The following ASTE1 variants were observed in gnomAD, a reference collection of about 807,000 sequenced individuals.
The protein encoded by ASTE1 is asteroid structure-specific endonuclease 1.
Under a neutral mutation model 45.8 loss-of-function variants are expected in ASTE1, and 49 were observed. The ratio of observed to expected loss-of-function variants is 1.07; its 90% confidence interval spans 0.85 to 1.36. ASTE1 has a LOEUF of 1.36. Ranked by LOEUF, ASTE1 falls within the 40% of genes most tolerant of loss-of-function variation. ASTE1 has a pLI of 0.00. For missense variants in ASTE1, 709 were observed against 804.0 expected, an observed-to-expected ratio of 0.88 and a Z score of 1.43; for synonymous variants, 296 against 303.9, an observed-to-expected ratio of 0.97 and a Z score of 0.27.
intron 4 of ASTE1, among the ~76,000 whole-genome samples, chr3:131,017,296 A>G (rs2063663975): frequency 6.6e-6 from 1 of 152,254 alleles, no homozygotes; most frequent in South Asian, 2.1e-4. Flanking sequence ...AGAAACAGGA[A>G]TCCATGCTGT....
intron 1 of ASTE1, chr3:131,026,271 T>C (rs990337930): frequency 1.1e-4 from 17 of 152,358 alleles, no homozygotes; most frequent in African/African-American, 3.8e-4. Flanking sequence ...TCTCAGAACC[T>C]TATCCTGTAT....
intron 3 of ASTE1, among the ~76,000 whole-genome samples, chr3:131,021,489 A>C (rs2063741612): frequency 6.6e-6 from 1 of 152,254 alleles, no homozygotes; most frequent in South Asian, 2.1e-4. Flanking sequence ...AATTCAGTTA[A>C]AACTATTGTG....
At chr3:131,018,394 T>C in intron 4 of ASTE1, 112 bp downstream of exon 4, 1 of 1,063,772 alleles carries the variant, frequency 9.4e-7, no homozygotes. Context: ...TAAGTTGTGA[T>C]ACAATTAATG....
rs1437928209 is a variant in ASTE1, at chr3:131,013,879, TAAATC to T, written c.*173_*177del. On this transcript the variant is annotated 3_prime_UTR_variant, in exon 6 of 6. Transcript: ENST00000264992. ...CATATTTAGAAATACAGAAGCTTCT[TAAATC>T]AGGTTGTATTTATTAAAAACAAAAT... 2 of 526,264 alleles carry T rather than the reference TAAATC, an allele frequency of 3.8e-6. No homozygotes were observed. The highest frequency in any genetic ancestry group is 7.5e-5 in the Admixed American group (2 of 26,770). 32.6% of individuals were successfully genotyped at this position (526,264 alleles called of 1,614,324 possible).
chr3:131,023,929 GAACT>G, intron 3 of ASTE1, 72 bp downstream of exon 3: 3 of 1,407,094 alleles, frequency 2.1e-6, no homozygotes, highest in Non-Finnish European at 2.9e-6. Flanking sequence ...TATAGTAAGT[GAACT>G]AATATAGAAG....
intron 3 of ASTE1, 76 bp downstream of exon 3, chr3:131,023,929 G>A (rs947869188): frequency 5.7e-6 from 8 of 1,407,094 alleles, no homozygotes; most frequent in Non-Finnish European, 7.6e-6. Flanking sequence ...TATAGTAAGT[G>A]AACTAATATA....
intron 3 of ASTE1, among the ~76,000 whole-genome samples, chr3:131,023,500 CATA>C (rs1381477695): frequency 2.0e-5 from 3 of 151,948 alleles, no homozygotes; most frequent in African/African-American, 7.3e-5. Flanking sequence ...GGCAAATAAC[CATA>C]ATGACACAAA....
At chr3:131,022,487 ATT>A (rs773197171) in intron 3 of ASTE1, among the ~76,000 whole-genome samples, 9 of 140,976 alleles carry the variant, frequency 6.4e-5, no homozygotes, top group Non-Finnish European at 7.8e-5. Flanking sequence ...CTGGCAAAAA[ATT>A]TTTTTTTTTT....
intron 3 of ASTE1, among the ~76,000 whole-genome samples, chr3:131,021,182 A>G (rs1313418350): frequency 1.3e-5 from 2 of 152,248 alleles, no homozygotes; most frequent in African/African-American, 4.8e-5. Flanking sequence ...GAGACTATTC[A>G]CAATATGTTA....
At position 131,024,427 on chromosome 3, in the gene ASTE1, A is replaced by G; in HGVS notation, c.880T>C (p.Cys294Arg). ...GACTGTTGGTATTCTTCCATGGAAC[A>G]GCAGAGAAGTTCCTTAACATTTTCT... ...DRENVKELLC[C>R]SMEEYQQSQV... The change falls in exon 3 of 6, where the codon TGT becomes CGT. Residue 294 changes from cysteine to arginine, a missense_variant. By Grantham distance (180) the Cys-to-Arg change is radical (BLOSUM62 -3). Transcript: ENST00000264992. 2 of 1,614,258 alleles carry G rather than the reference A, an allele frequency of 1.2e-6. No individual in the cohort carries two copies. The highest frequency in any genetic ancestry group is 1.7e-6 in the Non-Finnish European group (2 of 1,180,036).
chr3:131,014,478 A>G, intron 5 of ASTE1, 91 bp from the exon 6 acceptor site: 1 of 1,218,798 alleles, frequency 8.2e-7, no homozygotes, highest in Non-Finnish European at 1.1e-6. Context: ...AAATGCATCT[A>G]AACAATGAGA....
Position 131,016,241 on chromosome 3 carries a change from T to G in ASTE1, c.1612A>C (p.Thr538Pro). ...TRLGTRLDLD[T>P]AHIFCQWQSC... is the part of the protein sequence containing the mutation. Reference sequence around the variant, plus strand: ...TGCCACTGACAGAAGATGTGAGCTGTGTCTAAGTCCAGTCTTGTGCCCAGC... The same window carrying G: ...TGCCACTGACAGAAGATGTGAGCTGGGTCTAAGTCCAGTCTTGTGCCCAGC... The change falls in exon 5 of 6, where the codon ACA (threonine) becomes CCA (proline). Residue 538 changes from threonine to proline, a missense_variant. Thr to Pro is a conservative substitution (Grantham distance 38). Transcript: ENST00000264992. The G allele has an allele frequency of 6.2e-7, 1 of 1,614,172 alleles. No homozygotes were observed. Among genetic ancestry groups the G allele is most frequent in the Middle Eastern group, 1.6e-4 (1 of 6,062 alleles).
chr3:131,024,074 A>AT lies in ASTE1; in HGVS notation c.1232dup (p.Asn411LysfsTer8), dbSNP rs766448689. ...CTGCATCAATGATTGAGGTTCTGAT[A>AT]TTTTTATTAATCCTTTCCACTTCAC... On this transcript the variant is annotated frameshift_variant, in exon 3 of 6. Transcript: ENST00000264992. LOFTEE classifies it high-confidence loss of function. The AT allele has an allele frequency of 1.2e-6, 2 of 1,614,086 alleles. No individual in the cohort carries two copies. The highest frequency in any genetic ancestry group is 2.7e-5 in the African/African-American group (2 of 75,066).
In ASTE1 at chr3:131,014,341, C is replaced by G; in HGVS notation, c.1756G>C (p.Ala586Pro). ...AGGAGACTTTCTACAGAGGTCGATGCTAGCAGTTGCTGGCATAGTCCGTGC... is the reference window on the plus strand; with the variant it reads ...AGGAGACTTTCTACAGAGGTCGATGGTAGCAGTTGCTGGCATAGTCCGTGC... Reference protein sequence around the residue: ...LVHGLCQQLLASTSVESLLSI... With the variant: ...LVHGLCQQLLPSTSVESLLSI... Residue 586 changes from alanine (A) to proline (P), a missense_variant, in exon 6 of 6, where the codon GCA becomes CCA. Coordinates refer to ENST00000264992, the MANE Select transcript of ASTE1 (RefSeq NM_014065.4). 1 of 1,611,780 alleles carries G rather than the reference C, an allele frequency of 6.2e-7. No homozygotes were observed. Among genetic ancestry groups the G allele is most frequent in the Admixed American group, 1.7e-5 (1 of 59,648 alleles).
At chr3:131,026,155 A>G (rs542703246) in intron 1 of ASTE1, 2 of 152,164 alleles carry the variant, frequency 1.3e-5, no homozygotes, top group South Asian at 4.1e-4. Flanking sequence ...TTTTGCTATA[A>G]TTTTGATTTT....
intron 3 of ASTE1, among the ~76,000 whole-genome samples, chr3:131,023,166 G>T (rs185378836): frequency 2.0e-5 from 3 of 152,134 alleles, no homozygotes; most frequent in Non-Finnish European, 2.9e-5. Context: ...GGAAGCTGTG[G>T]TTGCCGTCCT....
At chr3:131,018,289 T>C (rs1195466523) in intron 4 of ASTE1, among the ~76,000 whole-genome samples, 1 of 152,220 alleles carries the variant, frequency 6.6e-6, no homozygotes, top group East Asian at 1.9e-4. Flanking sequence ...CACTGCTGTA[T>C]ACTTAAGATT....
chr3:131,024,049 C>T lies in ASTE1; in HGVS notation c.1258G>A (p.Val420Ile), dbSNP rs2063775802. The stretch of plus-strand genomic sequence containing the variant: ...TCAGAATGATCCTTGGCCAGTTCTA[C>T]TGCATCAATGATTGAGGTTCTGATA... ...KNIRTSIIDAVELAKDHSDLS... is the reference protein window; with the variant it reads ...KNIRTSIIDAIELAKDHSDLS... Residue 420 changes from valine to isoleucine, a missense_variant, in exon 3 of 6, where the codon GTA becomes ATA. Physicochemically the swap from Val to Ile is conservative, Grantham distance 29. Coordinates refer to ENST00000264992, the MANE Select transcript of ASTE1 (RefSeq NM_014065.4). 2.5e-6 allele frequency: 4 copies of T among 1,613,136 alleles called. No individual in the cohort carries two copies. Among genetic ancestry groups the T allele is most frequent in the Admixed American group, 1.7e-5 (1 of 59,968 alleles).
chr3:131,016,472 C>T, intron 4 of ASTE1, 133 bp from the exon 5 acceptor site: 5 of 979,496 alleles, frequency 5.1e-6, no homozygotes, highest in Non-Finnish European at 7.5e-6. Flanking sequence ...TCTCTTCTGG[C>T]TTCATAAATG....
Sources: gnomAD v4.1 joint callset for allele counts (sites outside exome capture counted in the v4.1 genomes callset) on GRCh38, gnomAD v4.1.1 for gene constraint, MANE v1.5 for transcripts, NCBI Gene and HGNC (gene_info 2026-07-23, HGNC 2026-07-21) for gene names.